Variants in SORL1 observed in about 807,000 individuals in gnomAD.
SORL1 encodes sortilin related receptor 1, also known as sortilin-related receptor.
Under a neutral mutation model 273.7 loss-of-function variants are expected in SORL1, and 127 were observed. The ratio of observed to expected loss-of-function variants is 0.46; its 90% confidence interval spans 0.40 to 0.54. The LOEUF (loss-of-function observed/expected upper bound fraction) is 0.54, where lower values mean the gene tolerates loss of function less well. Ranked by LOEUF, SORL1 falls within the 20% of genes least tolerant of loss-of-function variation. The probability of loss-of-function intolerance (pLI) is 0.00; values close to 1 mark genes in which losing one functional copy is unlikely to be tolerated. For synonymous variants in SORL1, 1,031 were observed against 1,067.4 expected (o/e 0.97, Z 0.66); for missense variants, 2,494 against 2,846.1 (o/e 0.88, Z 2.81).
intron 5 of SORL1, among the ~76,000 whole-genome samples, chr11:121,494,071 A>T (rs1392149312): frequency 6.6e-6 from 1 of 152,190 alleles, no homozygotes; most frequent in Non-Finnish European, 1.5e-5. Flanking sequence ...TTTTAAGGGG[A>T]AAAATTGTTC....
chr11:121,513,141 A>G, intron 7 of SORL1, 37 bp downstream of exon 7: 3 of 1,439,214 alleles, frequency 2.1e-6, no homozygotes, highest in Non-Finnish European at 2.9e-6. Context: ...AAGAAGTATC[A>G]TTGTCTTTAT....
At chr11:121,454,227 G>T (rs981033314) in intron 1 of SORL1, among the ~76,000 whole-genome samples, 1 of 152,246 alleles carries the variant, frequency 6.6e-6, no homozygotes, top group East Asian at 1.9e-4. Context: ...TTGGGCCTCC[G>T]CAGTCAGCCC....
intron 2 of SORL1, 30 bp downstream of exon 2, chr11:121,470,153 T>C (rs1162960444): frequency 6.9e-7 from 1 of 1,446,328 alleles, no homozygotes; most frequent in South Asian, 1.1e-5. Flanking sequence ...TGGGCACACC[T>C]TGGTGCCATC....
At chr11:121,558,290 A>G (rs1862621790) in intron 19 of SORL1, among the ~76,000 whole-genome samples, 2 of 152,234 alleles carry the variant, frequency 1.3e-5, no homozygotes, top group Non-Finnish European at 2.9e-5. Context: ...ATTCTATTAT[A>G]TGTACCATAA....
intron 32 of SORL1, among the ~76,000 whole-genome samples, chr11:121,597,299 T>A (rs1863309624): frequency 1.3e-5 from 2 of 152,168 alleles, no homozygotes; most frequent in African/African-American, 4.8e-5. Flanking sequence ...GGAGTGTGGA[T>A]CCAGTAACAT....
chr11:121,539,270 G>T (rs3933403), intron 12 of SORL1, among the ~76,000 whole-genome samples: 38,858 of 152,204 alleles, frequency 0.26, 6,077 homozygotes, highest in Middle Eastern at 0.35. Flanking sequence ...AAAGGAAATG[G>T]AGTTAGTCTG....
rs189271195 is a variant in SORL1, at chr11:121,585,380, G to A, written c.3707-842G>A. Among the ~76,000 whole-genome samples the A allele has an allele frequency of 2.1e-3, 319 of 152,188 alleles. 2 individuals carry two copies. The highest frequency in any genetic ancestry group is 7.0e-3 in the African/African-American group (292 of 41,518). ...CGCCTGTGGTCCCAGCTACTCAGGA[G>A]GCTGAGGTGGCAGGATTGCTTGAGC... On this transcript the variant is annotated intron_variant, in intron 26 of 47. Coordinates refer to ENST00000260197, the MANE Select transcript of SORL1 (RefSeq NM_003105.6).
At chr11:121,557,738 G>A (rs1862612722) in intron 19 of SORL1, among the ~76,000 whole-genome samples, 1 of 152,166 alleles carries the variant, frequency 6.6e-6, no homozygotes, top group African/African-American at 2.4e-5. Context: ...TTCATGCATG[G>A]TACAAACATT....
chr11:121,539,835 GCT>G (rs1194332478), intron 12 of SORL1, among the ~76,000 whole-genome samples: 6 of 152,014 alleles, frequency 3.9e-5, no homozygotes, highest in African/African-American at 1.2e-4. Flanking sequence ...TGTATCAAGT[GCT>G]CTGTTTTTTT....
intron 22 of SORL1, among the ~76,000 whole-genome samples, chr11:121,569,782 G>C (rs1055472898): frequency 2.0e-5 from 3 of 152,078 alleles, no homozygotes; most frequent in Non-Finnish European, 2.9e-5. Flanking sequence ...CTATTACCTT[G>C]TGAAGCACAT....
chr11:121,526,907 T>G (rs182756012), intron 11 of SORL1, among the ~76,000 whole-genome samples: 1 of 152,108 alleles, frequency 6.6e-6, no homozygotes, highest in Admixed American at 6.5e-5. Flanking sequence ...TCTTAATGTC[T>G]TTTATGTATT....
chr11:121,572,351 C>T (rs559100860), intron 23 of SORL1, among the ~76,000 whole-genome samples: 2 of 152,326 alleles, frequency 1.3e-5, no homozygotes, highest in East Asian at 3.9e-4. Context: ...GGAGCTGGCC[C>T]TGCCCTCCTC....
intron 21 of SORL1, 145 bp from the exon 22 acceptor site, chr11:121,566,795 G>A (rs186209904): frequency 2.0e-4 from 139 of 697,396 alleles, no homozygotes; most frequent in African/African-American, 1.3e-3. Context: ...CACAGTAGGC[G>A]CCCCAAAGCT....
intron 8 of SORL1, among the ~76,000 whole-genome samples, 193 bp from the exon 9 acceptor site, chr11:121,520,464 C>T (rs1335566832): frequency 6.6e-6 from 1 of 152,130 alleles, no homozygotes; most frequent in Admixed American, 6.5e-5. Context: ...TGGAGAGTGA[C>T]TGCCAGTGGG....
chr11:121,576,932 G>T, intron 24 of SORL1: 1 of 1,535,188 alleles, frequency 6.5e-7, no homozygotes, highest in South Asian at 1.2e-5. Flanking sequence ...CTACTTCCTG[G>T]CCTCCTCTAT....
At chr11:121,511,159 A>G (rs1228065734) in intron 6 of SORL1, among the ~76,000 whole-genome samples, 1 of 152,158 alleles carries the variant, frequency 6.6e-6, no homozygotes, top group African/African-American at 2.4e-5. Context: ...CCAAGAAGGT[A>G]GTGGGATCGA....
At chr11:121,525,544 A>G (rs950074019) in intron 11 of SORL1, among the ~76,000 whole-genome samples, 3 of 152,236 alleles carry the variant, frequency 2.0e-5, no homozygotes, top group Admixed American at 2.0e-4. Flanking sequence ...ATTTCCACCA[A>G]ACAGTATGTG....
intron 1 of SORL1, among the ~76,000 whole-genome samples, chr11:121,464,843 G>T (rs1565300859): frequency 6.6e-6 from 1 of 152,144 alleles, no homozygotes; most frequent in Non-Finnish European, 1.5e-5. Context: ...TTTGGCCAGA[G>T]ACCCAGTCCA....
At chr11:121,512,976 A>ATT in intron 6 of SORL1, 27 bp from the exon 7 acceptor site, 3 of 1,504,028 alleles carry the variant, frequency 2.0e-6, no homozygotes, top group Non-Finnish European at 2.8e-6. Flanking sequence ...GGCACCATTA[A>ATT]TTTTTTTTTC....
Sources: gnomAD v4.1 joint callset for allele counts (sites outside exome capture counted in the v4.1 genomes callset) on GRCh38, gnomAD v4.1.1 for gene constraint, MANE v1.5 for transcripts, NCBI Gene and HGNC (gene_info 2026-07-23, HGNC 2026-07-21) for gene names.